HIVEP2: variants seen among roughly 807,000 people sequenced by gnomAD.
HIVEP2 encodes transcription factor HIVEP2.
HIVEP2 carries 14 observed loss-of-function variants against 180.7 expected under a neutral mutation model. The ratio of observed to expected loss-of-function variants is 0.08; its 90% CI spans 0.05 to 0.12. The LOEUF is 0.12. HIVEP2 is among the 10% of genes least tolerant of loss of function. The pLI is 1.00. For missense variants in HIVEP2, 2,579 were observed against 3,008.5 expected (o/e 0.86, Z 3.34); for synonymous variants, 1,184 against 1,136.4 (o/e 1.04, Z -0.84).
Position 142,774,759 on chromosome 6 carries a change from G to C in HIVEP2, c.-21C>G. 1 of 1,608,246 alleles carries C rather than the reference G, an allele frequency of 6.2e-7. No individual in the cohort carries two copies. Among genetic ancestry groups the C allele is most frequent in the Non-Finnish European group, 8.5e-7 (1 of 1,176,732 alleles). On this transcript the variant is annotated 5_prime_UTR_variant, in exon 5 of 10. Transcript: ENST00000367603. The surrounding 1 kb of genome is among the most constrained non-coding windows in gnomAD (Gnocchi z 5.1). ...TCCATTTTGTTACACAAGGTCTTAA[G>C]TGCTAGTTCCCCTGAAAGCAGTGCA... is the stretch of plus-strand genomic sequence containing the variant.
At chr6:142,780,957 C>T (rs1346221798) in intron 3 of HIVEP2, among the ~76,000 whole-genome samples, 1 of 152,112 alleles carries the variant, frequency 6.6e-6, no homozygotes, top group Non-Finnish European at 1.5e-5. Context: ...GATAACAAAA[C>T]ATTTTTAAAA....
intron 1 of HIVEP2, among the ~76,000 whole-genome samples, chr6:142,859,985 T>G (rs1027392205): frequency 4.6e-5 from 7 of 151,940 alleles, no homozygotes; most frequent in Non-Finnish European, 8.8e-5. Flanking sequence ...CTAAGCAAAA[T>G]CAAAATCTTC....
intron 1 of HIVEP2, among the ~76,000 whole-genome samples, chr6:142,897,934 G>T (rs887419288): frequency 6.6e-6 from 1 of 152,054 alleles, no homozygotes; most frequent in Non-Finnish European, 1.5e-5. Context: ...TGTCTATCTC[G>T]GCTTCCCTAC....
intron 2 of HIVEP2, among the ~76,000 whole-genome samples, chr6:142,827,848 A>C (rs1774954758): frequency 2.0e-5 from 3 of 152,166 alleles, no homozygotes; most frequent in Non-Finnish European, 4.4e-5. Flanking sequence ...TCTAAGACCA[A>C]CCCAAGCATA....
intron 2 of HIVEP2, among the ~76,000 whole-genome samples, chr6:142,790,170 C>G (rs912621604): frequency 6.6e-6 from 1 of 152,230 alleles, no homozygotes; most frequent in East Asian, 1.9e-4. Flanking sequence ...TGGAGGCAAG[C>G]CCCTTGTTCA....
chr6:142,797,168 AT>A (rs1776299129), intron 2 of HIVEP2, among the ~76,000 whole-genome samples: 1 of 152,030 alleles, frequency 6.6e-6, no homozygotes, highest in Admixed American at 6.6e-5. Context: ...ATGTTTCTAG[AT>A]TTTTTGATAT....
At chr6:142,788,577 G>A (rs1341240670) in intron 2 of HIVEP2, 1 of 152,162 alleles carries the variant, frequency 6.6e-6, no homozygotes, top group African/African-American at 2.4e-5. Context: ...GCCGGGTGTG[G>A]TGGCTGGAAC....
rs1774983840 is a variant in HIVEP2 at position 142,753,587 on chromosome 6, A to G, written c.6861T>C (p.Pro2287=). The change falls in exon 10 of 10, where the codon CCT becomes CCC. Residue 2287 remains proline (P), a synonymous_variant. Transcript: ENST00000367603. The part of the protein sequence containing the change: ...VLSKQHEKRG[P]HALQSSGPPS... ...GTGGACCAGATGACTGCAAAGCGTG[A>G]GGACCTCGCTTCTCATGCTGCTTAG... is the stretch of plus-strand genomic sequence containing the variant. 1 of 1,614,128 alleles carries G rather than the reference A, an allele frequency of 6.2e-7. No homozygotes were observed. The highest frequency in any genetic ancestry group is 8.5e-7 in the Non-Finnish European group (1 of 1,179,974).
rs1243967703 is a variant in HIVEP2, at chr6:142,772,504, A to C, written c.2235T>G (p.Ala745=). 6.2e-6 allele frequency: 10 copies of C among 1,614,010 alleles called. No homozygotes were observed. The South Asian group carries it at 1.1e-4, about 18-fold the overall frequency. Residue 745 remains alanine, a synonymous_variant, in exon 5 of 10, where the codon GCT becomes GCG. Coordinates refer to ENST00000367603, the MANE Select transcript of HIVEP2 (RefSeq NM_006734.4). This position sits in a 1 kb window ranked among gnomAD's most constrained non-coding sequence, Gnocchi z 4.9. ...GACCATGAGAAAGGTTTTCGTGTCC[A>C]GCCATGGCAAATCCACTCCTGACTC... ...QEGVRSGFAM[A]GHENLSHGHT...
intron 1 of HIVEP2, among the ~76,000 whole-genome samples, chr6:142,875,486 C>G (rs1381900845): frequency 2.0e-5 from 3 of 152,130 alleles, no homozygotes; most frequent in Non-Finnish European, 4.4e-5. Context: ...ATAGGCTACT[C>G]TGGGGAGTGT....
chr6:142,856,681 T>C (rs1582916722), intron 1 of HIVEP2, among the ~76,000 whole-genome samples: 1 of 152,238 alleles, frequency 6.6e-6, no homozygotes, highest in Non-Finnish European at 1.5e-5. Context: ...ACAAACCAAA[T>C]GCTTGGCTTG....
At chr6:142,805,026 C>A (rs1776512457) in intron 2 of HIVEP2, among the ~76,000 whole-genome samples, 1 of 152,158 alleles carries the variant, frequency 6.6e-6, no homozygotes. Context: ...TCAACAAGTT[C>A]CCTTAACAGT....
chr6:142,766,029 G>A (rs1250005959), intron 6 of HIVEP2, among the ~76,000 whole-genome samples: 1 of 152,170 alleles, frequency 6.6e-6, no homozygotes, highest in Non-Finnish European at 1.5e-5. Context: ...TGTGGATTTA[G>A]TTAAAGGCAC....
chr6:142,836,294 T>C (rs772459424), intron 2 of HIVEP2, among the ~76,000 whole-genome samples: 4 of 152,154 alleles, frequency 2.6e-5, no homozygotes, highest in Non-Finnish European at 5.9e-5. Flanking sequence ...GGCTTTACTA[T>C]ACTGACATTT....
At chr6:142,824,112 T>C (rs1198601968) in intron 2 of HIVEP2, among the ~76,000 whole-genome samples, 1 of 152,156 alleles carries the variant, frequency 6.6e-6, no homozygotes, top group Non-Finnish European at 1.5e-5. Flanking sequence ...ATCCTTTAGG[T>C]CCCGAGAATT....
In HIVEP2 at chr6:142,760,102, C is replaced by A. The variant is rs1402765884; in HGVS notation, c.6186G>T (p.Arg2062Ser). The A allele has an allele frequency of 1.2e-6, 2 of 1,614,110 alleles. No individual in the cohort carries two copies. The highest frequency in any genetic ancestry group is 8.5e-7 in the Non-Finnish European group (1 of 1,179,992). Residue 2062 changes from arginine (R) to serine (S), a missense_variant, in exon 9 of 10, where the codon AGG (arginine) becomes AGT (serine). Physicochemically the swap from Arg to Ser is moderately radical, Grantham distance 110. Transcript: ENST00000367603. ...SSPCRDNSPKRYLIPKGDLSP... is the reference protein window; with the variant it reads ...SSPCRDNSPKSYLIPKGDLSP... ...ATAAATCTCCTTTGGGTATCAGATA[C>A]CTCTTTGGTGAATTATCTCGACAGG...
chr6:142,865,265 T>G (rs1403748096), intron 1 of HIVEP2, among the ~76,000 whole-genome samples: 2 of 152,186 alleles, frequency 1.3e-5, no homozygotes, highest in African/African-American at 4.8e-5. Context: ...TTTTCTATTG[T>G]GCTTCTAATT....
intron 1 of HIVEP2, among the ~76,000 whole-genome samples, chr6:142,844,074 C>T (rs1775443568): frequency 6.6e-6 from 1 of 152,146 alleles, no homozygotes; most frequent in Admixed American, 6.5e-5. Flanking sequence ...CAATATTCTT[C>T]CATTCTTCTC....
intron 1 of HIVEP2, among the ~76,000 whole-genome samples, chr6:142,888,168 C>T (rs921826953): frequency 2.0e-5 from 3 of 152,124 alleles, no homozygotes; most frequent in African/African-American, 7.2e-5. Context: ...AGTTAGTTTT[C>T]TCCTTTAGTC....
Sources: gnomAD v4.1 joint callset for allele counts (sites outside exome capture counted in the v4.1 genomes callset) on GRCh38, gnomAD v4.1.1 for gene constraint, Gnocchi (gnomAD v3.1) non-coding constraint, MANE v1.5 for transcripts, NCBI Gene and HGNC (gene_info 2026-07-23, HGNC 2026-07-21) for gene names.